Variants in LMO7 observed in about 807,000 individuals in gnomAD.
LMO7 encodes LIM domain only protein 7.
A neutral mutation model predicts 206.5 loss-of-function variants in LMO7; 120 were observed. The ratio of observed to expected loss-of-function variants is 0.58; its 90% CI spans 0.50 to 0.68. LMO7 has a LOEUF of 0.68. Ranked by LOEUF, LMO7 falls within the 30% of genes least tolerant of loss-of-function variation. The pLI, the probability that LMO7 is intolerant of heterozygous loss-of-function variation, is 0.00. For missense variants in LMO7, 1,959 were observed against 1,957.9 expected (o/e 1.00, Z -0.01); for synonymous variants, 706 against 681.5 (o/e 1.04, Z -0.56).
chr13:75,703,951 A>G (rs2042469129), intron 1 of LMO7, among the ~76,000 whole-genome samples: 1 of 152,222 alleles, frequency 6.6e-6, no homozygotes, highest in African/African-American at 2.4e-5. Context: ...ATTTGTAACC[A>G]ATGAGATCTG....
At chr13:75,835,666 A>T (rs1002536364) in intron 18 of LMO7, among the ~76,000 whole-genome samples, 1 of 152,188 alleles carries the variant, frequency 6.6e-6, no homozygotes, top group Non-Finnish European at 1.5e-5. Flanking sequence ...ACATAAAATT[A>T]TAAACTATAA....
At chr13:75,663,432 C>CTTTTTTT (rs1178254643) in intron 1 of LMO7, among the ~76,000 whole-genome samples, 7 of 111,400 alleles carry the variant, frequency 6.3e-5, no homozygotes, top group Non-Finnish European at 8.6e-5. Flanking sequence ...TTCTTTCTTT[C>CTTTTTTT]TTTTTTTTTT....
intron 1 of LMO7, among the ~76,000 whole-genome samples, chr13:75,681,724 A>ATATATATATATATATATATATATG (rs2040524370): frequency 2.0e-5 from 2 of 100,862 alleles, no homozygotes; most frequent in African/African-American, 6.9e-5. Flanking sequence ...ATATGTATAT[A>ATATATATATATATATATATATATG]TATATATATA....
At chr13:75,759,991 A>G (rs1005650605) in intron 3 of LMO7, among the ~76,000 whole-genome samples, 1 of 151,994 alleles carries the variant, frequency 6.6e-6, no homozygotes, top group African/African-American at 2.4e-5. Flanking sequence ...GAACTGTAAC[A>G]GTTAATATGG....
At position 75,760,824 on chromosome 13, in the gene LMO7, T is replaced by C. The variant is rs550897758; in HGVS notation, c.211-108T>C. On this transcript the variant is annotated intron_variant, in intron 3 of 30. Transcript: ENST00000377534. ...GCATGGGTCTTGCTGCTGCCTCTTT[T>C]GCTGACTGTAATTGGACTTTGAAGC... 37 of 1,556,706 alleles carry C rather than the reference T, an allele frequency of 2.4e-5. No individual in the cohort carries two copies. The South Asian group carries it at 4.1e-4, about 17-fold the overall frequency.
In LMO7 at chr13:75,823,775, A is replaced by T. The variant is rs1165934389; in HGVS notation, c.2851A>T (p.Thr951Ser). The T allele has an allele frequency of 1.2e-6, 2 of 1,614,010 alleles. No homozygotes were observed. Among genetic ancestry groups the T allele is most frequent in the Non-Finnish European group, 1.7e-6 (2 of 1,180,006 alleles). Residue 951 changes from threonine (T) to serine (S), a missense_variant, in exon 15 of 31, where the codon ACT becomes TCT. Transcript: ENST00000377534. Reference sequence around the variant, plus strand: ...ATCTCTTTCCCAAGACCAGGCTGCCACTTCTAAAGCCACATTGTCTTCCAC... The same window carrying T: ...ATCTCTTTCCCAAGACCAGGCTGCCTCTTCTAAAGCCACATTGTCTTCCAC... ...FSSLSQDQAA[T>S]SKATLSSTSG...
At chr13:75,649,592 G>A (rs1009596732) in intron 1 of LMO7, among the ~76,000 whole-genome samples, 7 of 152,216 alleles carry the variant, frequency 4.6e-5, no homozygotes, top group Admixed American at 1.3e-4. Context: ...ACCAAGCTTG[G>A]TAAAGTTTTA....
chr13:75,829,991 A>G (rs1276344690), intron 15 of LMO7, among the ~76,000 whole-genome samples: 1 of 152,124 alleles, frequency 6.6e-6, no homozygotes, highest in East Asian at 1.9e-4. Context: ...AACCACTTGG[A>G]TAGTTCATTA....
At chr13:75,817,374 A>C in intron 12 of LMO7, 96 bp downstream of exon 12, 1 of 745,058 alleles carries the variant, frequency 1.3e-6, no homozygotes, top group Non-Finnish European at 2.3e-6. Context: ...TTTCCTTGCT[A>C]TTACAGAATT....
intron 1 of LMO7, among the ~76,000 whole-genome samples, chr13:75,649,902 A>G (rs1484048955): frequency 6.6e-6 from 1 of 152,224 alleles, no homozygotes; most frequent in African/African-American, 2.4e-5. Context: ...TCACTTCAGT[A>G]TTCTTCTGAG....
chr13:75,692,350 C>T (rs2041555860), intron 1 of LMO7, among the ~76,000 whole-genome samples: 1 of 151,946 alleles, frequency 6.6e-6, no homozygotes, highest in East Asian at 1.9e-4. Flanking sequence ...GATTTTTACA[C>T]ATAACCCATA....
intron 1 of LMO7, among the ~76,000 whole-genome samples, chr13:75,666,365 C>CT (rs541520020): frequency 4.0e-4 from 61 of 152,194 alleles, no homozygotes; most frequent in Non-Finnish European, 1.2e-4. Context: ...TGTAACTAGT[C>CT]TTTTTCTTGA....
At chr13:75,631,037 T>C (rs957450726) in intron 2 of LMO7, among the ~76,000 whole-genome samples, 2 of 152,078 alleles carry the variant, frequency 1.3e-5, no homozygotes, top group African/African-American at 4.8e-5. Context: ...TTATTATTAT[T>C]ATTTTTTGAG....
intron 1 of LMO7, among the ~76,000 whole-genome samples, chr13:75,663,432 C>CTTTCTTTCT (rs1555289857): frequency 3.6e-5 from 4 of 111,408 alleles, no homozygotes; most frequent in Admixed American, 1.1e-4. Context: ...TTCTTTCTTT[C>CTTTCTTTCT]TTTTTTTTTT....
At chr13:75,817,590 TG>T (rs1229015615) in intron 12 of LMO7, among the ~76,000 whole-genome samples, 2 of 152,202 alleles carry the variant, frequency 1.3e-5, no homozygotes, top group African/African-American at 4.8e-5. Flanking sequence ...ATTTGGGATA[TG>T]CACATTAACT....
intron 1 of LMO7, among the ~76,000 whole-genome samples, chr13:75,646,383 C>T (rs993508556): frequency 6.6e-6 from 1 of 152,132 alleles, no homozygotes; most frequent in South Asian, 2.1e-4. Flanking sequence ...AGAGATTATA[C>T]ATCCGACTCT....
At chr13:75,844,622 T>C (rs530844737) in intron 25 of LMO7, among the ~76,000 whole-genome samples, 10 of 152,098 alleles carry the variant, frequency 6.6e-5, no homozygotes, top group African/African-American at 2.4e-4. Context: ...TTAGCCAGGG[T>C]GGCTTCAAAC....
At chr13:75,709,818 T>C (rs1353674537) in intron 1 of LMO7, among the ~76,000 whole-genome samples, 23 of 147,582 alleles carry the variant, frequency 1.6e-4, no homozygotes, top group East Asian at 2.1e-4. Context: ...TCCCATTTGT[T>C]AATTTTGGCT....
intron 2 of LMO7, among the ~76,000 whole-genome samples, chr13:75,726,693 A>C (rs1367088870): frequency 6.6e-6 from 1 of 152,170 alleles, no homozygotes; most frequent in Non-Finnish European, 1.5e-5. Flanking sequence ...GAGATAAATT[A>C]TGATGAAGAG....
Sources: allele counts gnomAD v4.1 joint callset (sites outside exome capture counted in the v4.1 genomes callset), GRCh38; gene constraint gnomAD v4.1.1; transcripts MANE v1.5; gene names NCBI Gene and HGNC (gene_info 2026-07-23, HGNC 2026-07-21).